The following CHD8 variants were observed in gnomAD, a reference collection of about 807,000 sequenced individuals.
CHD8 encodes the protein ATP-dependent chromatin remodeler CHD8.
CHD8 carries 31 observed loss-of-function variants against 279.2 expected under a neutral mutation model. The observed-to-expected ratio is 0.11, with a 90% CI of 0.08 to 0.15. CHD8 has a LOEUF of 0.15. CHD8 is among the 10% of genes least tolerant of loss of function. The probability of loss-of-function intolerance (pLI) is 1.00; values close to 1 mark genes in which losing one functional copy is unlikely to be tolerated. For missense variants in CHD8, 2,146 were observed against 3,230.5 expected (o/e 0.66, Z 8.14); for synonymous variants, 1,081 against 1,139.6 (o/e 0.95, Z 1.04).
intron 5 of CHD8, among the ~76,000 whole-genome samples, chr14:21,424,856 G>A (rs1335348044): frequency 6.6e-6 from 1 of 152,166 alleles, no homozygotes; most frequent in Non-Finnish European, 1.5e-5. Flanking sequence ...AAAGAGGGGA[G>A]GCACTTATAA....
At chr14:21,418,834 A>C (rs1888876139) in intron 5 of CHD8, among the ~76,000 whole-genome samples, 1 of 152,178 alleles carries the variant, frequency 6.6e-6, no homozygotes, top group South Asian at 2.1e-4. Flanking sequence ...AAATAAATAA[A>C]TAAATAAAGT....
At position 21,429,010 on chromosome 14, in the gene CHD8, G is replaced by A. The variant is rs1337183095; in HGVS notation, c.1169C>T (p.Pro390Leu). Residue 390 changes from proline to leucine, a missense_variant, in exon 3 of 38, where the codon CCA becomes CTA. Pro to Leu is a moderately conservative substitution (Grantham distance 98). Coordinates refer to ENST00000646647, the MANE Select transcript of CHD8 (RefSeq NM_001170629.2). ...GACTGGTACTGAAAGTCTTTGTCCT[G>A]GGCTTTGTCCTGGTCCCATTATCTG... ...QAQIMGPGQS[P>L]GQRLSVPVKV... 23 of 1,613,810 alleles carry A rather than the reference G, an allele frequency of 1.4e-5. No homozygotes were observed. The highest frequency in any genetic ancestry group is 1.9e-5 in the Non-Finnish European group (22 of 1,179,862).
intron 1 of CHD8, among the ~76,000 whole-genome samples, chr14:21,435,426 A>C (rs762168751): frequency 6.6e-6 from 1 of 152,204 alleles, no homozygotes; most frequent in Non-Finnish European, 1.5e-5. Context: ...GTTCTTCTGC[A>C]GCTTTACCAC....
In CHD8 at chr14:21,402,585, A is replaced by G; in HGVS notation, c.3715-82T>C. On this transcript the variant is annotated intron_variant, in intron 18 of 37. Transcript: ENST00000646647. This position sits in a 1 kb window ranked among gnomAD's most constrained non-coding sequence, Gnocchi z 4.5. ...AAAGGATACAAAATACCAATTTATG[A>G]TTCTTTCACCTCTATAGAGCAGCCA... The G allele has an allele frequency of 1.5e-6, 2 of 1,322,630 alleles. No homozygotes were observed. Among genetic ancestry groups the G allele is most frequent in the Non-Finnish European group, 2.0e-6 (2 of 978,660 alleles). 81.9% of individuals were successfully genotyped at this position (1,322,630 alleles called of 1,614,324 possible). A position where few individuals can be genotyped will look rare whatever the true frequency, so the allele number is the denominator to read the frequency against.
rs757434731 is a variant in CHD8 at position 21,399,689 on chromosome 14, A to G, written c.4834T>C (p.Phe1612Leu). Residue 1612 changes from phenylalanine (F) to leucine (L), a missense_variant, in exon 26 of 38, where the codon TTC (phenylalanine) becomes CTC (leucine). Physicochemically the swap from Phe to Leu is conservative, Grantham distance 22 (BLOSUM62 0). Around this residue, in one of 26 missense-constraint regions of CHD8, gnomAD observed 33 missense variants for 34.8 expected, o/e 0.95. Transcript: ENST00000646647. ...GAIASEIDIWFPVVDQLEVPT... is the reference protein window; with the variant it reads ...GAIASEIDIWLPVVDQLEVPT... ...ACCTCCAGTTGATCCACTACTGGGA[A>G]CCATATGTCAATCTCACTAAAGGTA... is the stretch of plus-strand genomic sequence containing the variant. 6.2e-7 allele frequency: 1 copy of G among 1,611,336 alleles called. No homozygotes were observed. The highest frequency in any genetic ancestry group is 8.5e-7 in the Non-Finnish European group (1 of 1,177,490).
rs765569494 is a variant in CHD8 at position 21,405,779 on chromosome 14, T to C, written c.2993A>G (p.Gln998Arg). Reference protein sequence around the residue: ...FSLLHFLEPSQFPSESEFLKD... With the variant: ...FSLLHFLEPSRFPSESEFLKD... ...GAGAAACTCTGATTCTGAGGGAAAT[T>C]GTGACGGTTCCAAGAAATGAAGCAA... is the stretch of plus-strand genomic sequence containing the variant. Residue 998 changes from glutamine to arginine, a missense_variant, in exon 15 of 38, where the codon CAA becomes CGA. Physicochemically the swap from Gln to Arg is conservative, Grantham distance 43 (BLOSUM62 1). Around this residue, in one of 26 missense-constraint regions of CHD8, gnomAD observed 211 missense variants for 464.7 expected, o/e 0.45. Coordinates refer to ENST00000646647, the MANE Select transcript of CHD8 (RefSeq NM_001170629.2). This position sits in a 1 kb window ranked among gnomAD's most constrained non-coding sequence, Gnocchi z 4.2. 1.2e-6 allele frequency: 2 copies of C among 1,613,982 alleles called. No homozygotes were observed. Among genetic ancestry groups the C allele is most frequent in the Admixed American group, 1.7e-5 (1 of 60,024 alleles).
At chr14:21,447,447 C>T (rs906157644) in intron 1 of CHD8, among the ~76,000 whole-genome samples, 1 of 151,782 alleles carries the variant, frequency 6.6e-6, no homozygotes, top group African/African-American at 2.4e-5. Context: ...TCTCAGCTCA[C>T]TGCAACCTCC....
chr14:21,436,998 C>T (rs894215346), intron 1 of CHD8: 2 of 1,276,828 alleles, frequency 1.6e-6, no homozygotes, highest in African/African-American at 1.6e-5. Flanking sequence ...GAGGTACATG[C>T]ACTTGAGGTA....
chr14:21,408,603 T>TAA lies in CHD8; in HGVS notation c.2487-50_2487-49dup. 6.4e-7 allele frequency: 1 copy of TAA among 1,567,514 alleles called. No homozygotes were observed. The highest frequency in any genetic ancestry group is 8.6e-7 in the Non-Finnish European group (1 of 1,157,548). On this transcript the variant is annotated intron_variant, in intron 12 of 37. Transcript: ENST00000646647. The surrounding 1 kb of genome is among the most constrained non-coding windows in gnomAD (Gnocchi z 4.3). ...AAAAAATGTTAAAAGATACTATCTTTAAAAAAAATAGAGTATGTAGGAAGA... is the reference window on the plus strand; with the variant it reads ...AAAAAATGTTAAAAGATACTATCTTTAAAAAAAAAATAGAGTATGTAGGAAGA...
rs1161981460 is a variant in CHD8 at position 21,400,251 on chromosome 14, T to C, written c.4627A>G (p.Thr1543Ala). 3 of 1,613,954 alleles carry C rather than the reference T, an allele frequency of 1.9e-6. No individual in the cohort carries two copies. The highest frequency in any genetic ancestry group is 2.2e-5 in the East Asian group (1 of 44,878). ...CAATCTGCCTTATGGATATCAAAAGTGCTTTGTGACTTTACTTTTTTTCCT... is the reference window on the plus strand; with the variant it reads ...CAATCTGCCTTATGGATATCAAAAGCGCTTTGTGACTTTACTTTTTTTCCT... ...RKGKKVKSQSTFDIHKADWIR... is the reference protein window; with the variant it reads ...RKGKKVKSQSAFDIHKADWIR... The change falls in exon 24 of 38, where the codon ACT becomes GCT. Residue 1543 changes from threonine (T) to alanine (A), a missense_variant. This residue lies in a region of CHD8 where 73 missense variants were observed against 153.2 expected (regional missense o/e 0.48). Coordinates refer to ENST00000646647, the MANE Select transcript of CHD8 (RefSeq NM_001170629.2). This position sits in a 1 kb window ranked among gnomAD's most constrained non-coding sequence, Gnocchi z 4.2.
Position 21,431,800 on chromosome 14 carries a change from A to G in CHD8, c.-157T>C. ...GAGGCAAGAAACAAGTGCATGTCAG[A>G]TTGTCCTGACCTTCATGGAGCAAGA... On this transcript the variant is annotated 5_prime_UTR_variant, in exon 2 of 38. Coordinates refer to ENST00000646647, the MANE Select transcript of CHD8 (RefSeq NM_001170629.2). 1 of 1,613,618 alleles carries G rather than the reference A, an allele frequency of 6.2e-7. No individual in the cohort carries two copies. The highest frequency in any genetic ancestry group is 8.5e-7 in the Non-Finnish European group (1 of 1,179,564).
intron 1 of CHD8, among the ~76,000 whole-genome samples, chr14:21,446,305 TTTCTTC>T (rs201191137): frequency 6.0e-5 from 8 of 132,400 alleles, no homozygotes; most frequent in Admixed American, 1.7e-4. Flanking sequence ...CATACTTAAT[TTTCTTC>T]TTCTTCTTTT....
In CHD8 at chr14:21,403,309, C is replaced by G; in HGVS notation, c.3519-97G>C. On this transcript the variant is annotated intron_variant, in intron 17 of 37. Transcript: ENST00000646647. The surrounding 1 kb of genome is among the most constrained non-coding windows in gnomAD (Gnocchi z 4.3). ...CAATACCAGTACTCCCATATCAAAG[C>G]TGGTCAAAAACCCAAGTTGAGAGTG... is the stretch of plus-strand genomic sequence containing the variant. The G allele has an allele frequency of 7.4e-7, 1 of 1,353,234 alleles. No homozygotes were observed. The highest frequency in any genetic ancestry group is 1.0e-6 in the Non-Finnish European group (1 of 984,724). 83.8% of individuals were successfully genotyped at this position (1,353,234 alleles called of 1,614,324 possible). A position where few individuals can be genotyped will look rare whatever the true frequency, so the allele number is the denominator to read the frequency against.
chr14:21,391,203 G>C, intron 36 of CHD8, 140 bp from the exon 37 acceptor site: 1 of 717,050 alleles, frequency 1.4e-6, no homozygotes, highest in Non-Finnish European at 2.3e-6. Context: ...CTGCCATTAA[G>C]TGGGATCTCT....
At chr14:21,415,326 T>C in intron 7 of CHD8, 1 of 340,166 alleles carries the variant, frequency 2.9e-6, no homozygotes, top group Non-Finnish European at 5.2e-6. Flanking sequence ...GAACATAGCA[T>C]TACGGGTTAA....
chr14:21,397,544 TC>T, intron 27 of CHD8: 1 of 390,818 alleles, frequency 2.6e-6, no homozygotes, highest in South Asian at 2.1e-5. Flanking sequence ...CCAGTTATCC[TC>T]TCAGCTACTG....
At chr14:21,404,023 C>T (rs1320288357) in intron 16 of CHD8, among the ~76,000 whole-genome samples, 7 of 150,264 alleles carry the variant, frequency 4.7e-5, no homozygotes, top group Non-Finnish European at 7.4e-5. Flanking sequence ...CGCTTGAATT[C>T]GGGAGGTGGT....
intron 7 of CHD8, 29 bp downstream of exon 7, chr14:21,415,545 A>AT (rs57234315): frequency 3.2e-5 from 36 of 1,117,522 alleles, no homozygotes; most frequent in Middle Eastern, 3.0e-4. Flanking sequence ...AAATAAATAA[A>AT]AATAATAATA....
intron 5 of CHD8, among the ~76,000 whole-genome samples, chr14:21,418,982 T>C (rs1234367381): frequency 1.3e-5 from 2 of 152,226 alleles, no homozygotes; most frequent in South Asian, 2.1e-4. Flanking sequence ...TTTTCTTCAC[T>C]TGGTGAAGTA....
Sources: allele counts gnomAD v4.1 joint callset (sites outside exome capture counted in the v4.1 genomes callset), GRCh38; gene constraint gnomAD v4.1.1; regional missense constraint gnomAD v4.1.1; non-coding constraint Gnocchi (gnomAD v3.1); transcripts MANE v1.5; gene names NCBI Gene and HGNC (gene_info 2026-07-23, HGNC 2026-07-21).